Variants in ITGA6 observed in about 807,000 individuals in gnomAD.
ITGA6 encodes integrin alpha-6.
Under a neutral mutation model 133.6 loss-of-function variants are expected in ITGA6, and 63 were observed. The observed-to-expected ratio is 0.47, with a 90% confidence interval of 0.38 to 0.58. The LOEUF is 0.58. Ranked by LOEUF, ITGA6 falls within the 20% of genes least tolerant of loss-of-function variation. The probability of loss-of-function intolerance (pLI) is 0.00; values close to 1 mark genes in which losing one functional copy is unlikely to be tolerated. For synonymous variants in ITGA6, 434 were observed against 482.0 expected (o/e 0.90, Z 1.30); for missense variants, 1,068 against 1,309.4 (o/e 0.82, Z 2.85).
At chr2:172,449,608 A>G (rs928122923) in intron 1 of ITGA6, among the ~76,000 whole-genome samples, 1 of 152,158 alleles carries the variant, frequency 6.6e-6, no homozygotes, top group Non-Finnish European at 1.5e-5. Context: ...GGTGATTTAG[A>G]GAAAGCTGGT....
At chr2:172,443,067 G>T (rs921447632) in intron 1 of ITGA6, among the ~76,000 whole-genome samples, 1 of 152,016 alleles carries the variant, frequency 6.6e-6, no homozygotes, top group African/African-American at 2.4e-5. Context: ...CTTGATCTCT[G>T]GGCATCCTAT....
Position 172,431,675 on chromosome 2 carries a change from G to GC in ITGA6, c.182+3707dup, listed in dbSNP as rs545798756. 1.4e-4 allele frequency among the ~76,000 whole-genome samples: 21 copies of GC among 152,334 alleles called. No homozygotes were observed. The South Asian group carries it at 3.7e-3, about 27-fold the overall frequency. On this transcript the variant is annotated intron_variant, in intron 1 of 25. Coordinates refer to ENST00000684293, the MANE Select transcript of ITGA6 (RefSeq NM_000210.4). ...CACTCGGAGTGCCATGTGGCCCAGGGCCATCTTCCAGGGATTGCTGGGTCA... is the reference window on the plus strand; with the variant it reads ...CACTCGGAGTGCCATGTGGCCCAGGGCCCATCTTCCAGGGATTGCTGGGTCA...
Position 172,504,158 on chromosome 2 carries a change from A to G in ITGA6, c.*90A>G. 6.3e-7 allele frequency: 1 copy of G among 1,596,668 alleles called. No homozygotes were observed. The highest frequency in any genetic ancestry group is 8.5e-7 in the Non-Finnish European group (1 of 1,170,570). On this transcript the variant is annotated 3_prime_UTR_variant, in exon 26 of 26. Coordinates refer to ENST00000684293, the MANE Select transcript of ITGA6 (RefSeq NM_000210.4). ...CGATACCATGCTGTAAGGATCCGGA[A>G]AGAAGAGCGAGAGATCAAAGATGAA...
At chr2:172,467,885 A>C (rs890697389) in intron 3 of ITGA6, among the ~76,000 whole-genome samples, 6 of 152,000 alleles carry the variant, frequency 3.9e-5, no homozygotes, top group Admixed American at 2.6e-4. Context: ...TACTTGGGAG[A>C]CTGAGACAGG....
At chr2:172,447,911 G>A (rs911173473) in intron 1 of ITGA6, among the ~76,000 whole-genome samples, 16 of 152,118 alleles carry the variant, frequency 1.1e-4, no homozygotes, top group African/African-American at 2.2e-4. Flanking sequence ...TTAAAAACAC[G>A]TTCTGCTTTG....
chr2:172,428,362 G>C (rs1288721692), intron 1 of ITGA6: 1 of 153,144 alleles, frequency 6.5e-6, no homozygotes, highest in African/African-American at 2.4e-5. Flanking sequence ...CCGCAGCGCT[G>C]CTGTGGGTTT....
At chr2:172,440,390 A>C (rs950882346) in intron 1 of ITGA6, among the ~76,000 whole-genome samples, 5 of 152,214 alleles carry the variant, frequency 3.3e-5, no homozygotes, top group Admixed American at 6.5e-5. Context: ...TTTGAAAAAA[A>C]ATTGTGGTAA....
chr2:172,431,109 C>T (rs1351006447), intron 1 of ITGA6, among the ~76,000 whole-genome samples: 2 of 152,170 alleles, frequency 1.3e-5, no homozygotes, highest in African/African-American at 4.8e-5. Flanking sequence ...AGAAATGCTC[C>T]AGGCCCGCGG....
chr2:172,498,200 CT>C, intron 24 of ITGA6, 100 bp downstream of exon 24: 1 of 1,221,800 alleles, frequency 8.2e-7, no homozygotes, highest in African/African-American at 1.5e-5. Flanking sequence ...TCATTGCTTC[CT>C]TTTTTCTAAC....
chr2:172,430,476 T>C (rs986125970), intron 1 of ITGA6, among the ~76,000 whole-genome samples: 2 of 152,216 alleles, frequency 1.3e-5, no homozygotes, highest in African/African-American at 4.8e-5. Flanking sequence ...AAAGTGAGTT[T>C]AATGAACAGA....
Position 172,488,132 on chromosome 2 carries a change from T to C in ITGA6, c.2409T>C (p.Ala803=). 4 of 1,613,920 alleles carry C rather than the reference T, an allele frequency of 2.5e-6. No homozygotes were observed. Among genetic ancestry groups the C allele is most frequent in the South Asian group, 1.1e-5 (1 of 91,080 alleles). ...IELLLSVSGV[A]KPSQVYFGGT... ...GTGTTTTTTAATTTGACAGAGTTGC[T>C]AAACCTTCCCAGGTGTATTTTGGAG... is the stretch of plus-strand genomic sequence containing the variant. The change falls in exon 19 of 26, where the codon GCT becomes GCC. Residue 803 remains alanine, a synonymous_variant. Transcript: ENST00000684293.
At chr2:172,444,929 T>C (rs1161541521) in intron 1 of ITGA6, among the ~76,000 whole-genome samples, 3 of 151,858 alleles carry the variant, frequency 2.0e-5, no homozygotes, top group African/African-American at 7.3e-5. Context: ...TTAAACAATG[T>C]AAGCGTTTAG....
chr2:172,499,469 A>G (rs1687263646), intron 24 of ITGA6, among the ~76,000 whole-genome samples: 1 of 152,134 alleles, frequency 6.6e-6, no homozygotes, highest in Admixed American at 6.5e-5. Context: ...GGCTCAAGCA[A>G]TCCTCCCACC....
At chr2:172,449,143 TGTG>T (rs1049977389) in intron 1 of ITGA6, among the ~76,000 whole-genome samples, 1 of 152,012 alleles carries the variant, frequency 6.6e-6, no homozygotes, top group African/African-American at 2.4e-5. Context: ...GGCTCCCAAT[TGTG>T]GTGGGAAGAA....
At position 172,484,950 on chromosome 2, in the gene ITGA6, CT is replaced by C; in HGVS notation, c.1710+9del. Reference sequence around the variant, plus strand: ...GAAACCCTGTGGCTACAGGTGAGGGCTGCAGATGGTCACATCTGTTTTATGA... The same window carrying C: ...GAAACCCTGTGGCTACAGGTGAGGGCGCAGATGGTCACATCTGTTTTATGA... On this transcript the variant is annotated intron_variant, in intron 12 of 25. Transcript: ENST00000684293. The C allele has an allele frequency of 1.9e-6, 3 of 1,613,552 alleles. No individual in the cohort carries two copies. The South Asian group carries it at 3.3e-5, about 18-fold the overall frequency.
rs1480234655 is a variant in ITGA6 at position 172,484,914 on chromosome 2, T to A, written c.1682T>A (p.Val561Glu). The change falls in exon 12 of 26, where the codon GTG becomes GAG. Residue 561 changes from valine to glutamate, a missense_variant. Val to Glu is a moderately radical substitution (Grantham distance 121, BLOSUM62 -2). Transcript: ENST00000684293. ...ACTCTGAAGAGGCAGAAACAGAAAG[T>A]GTGCATGGAGGAAACCCTGTGGCTA... ...ELTLKRQKQKVCMEETLWLQD... is the reference protein window; with the variant it reads ...ELTLKRQKQKECMEETLWLQD... 1 of 1,614,156 alleles carries A rather than the reference T, an allele frequency of 6.2e-7. No homozygotes were observed. The highest frequency in any genetic ancestry group is 1.7e-5 in the Admixed American group (1 of 60,024).
rs1324831779 is a variant in ITGA6 at position 172,505,809 on chromosome 2, A to C, written c.*1741A>C. 1 of 152,642 alleles carries C rather than the reference A, an allele frequency of 6.6e-6. No individual in the cohort carries two copies. The highest frequency in any genetic ancestry group is 1.5e-5 in the Non-Finnish European group (1 of 68,038). The allele number at this position is 152,642 out of a possible 1,614,324, so 9.5% of individuals were successfully genotyped here. ...GTACTTTGGAATTCTTAGTCACAAAATATATTTTGTTTACAAAAATTTCTG... is the reference window on the plus strand; with the variant it reads ...GTACTTTGGAATTCTTAGTCACAAACTATATTTTGTTTACAAAAATTTCTG... On this transcript the variant is annotated 3_prime_UTR_variant, in exon 26 of 26. Coordinates refer to ENST00000684293, the MANE Select transcript of ITGA6 (RefSeq NM_000210.4).
At chr2:172,479,797 T>TG in intron 10 of ITGA6, 58 bp downstream of exon 10, 1 of 1,450,234 alleles carries the variant, frequency 6.9e-7, no homozygotes, top group Non-Finnish European at 9.7e-7. Context: ...CACTTCATGA[T>TG]GACTCTATTG....
intron 1 of ITGA6, among the ~76,000 whole-genome samples, chr2:172,440,173 GC>G (rs1490626541): frequency 6.6e-6 from 1 of 152,174 alleles, no homozygotes; most frequent in Admixed American, 6.5e-5. Context: ...ATAAATGTAT[GC>G]CTGATGGATA....
Sources: allele counts gnomAD v4.1 joint callset (sites outside exome capture counted in the v4.1 genomes callset), GRCh38; gene constraint gnomAD v4.1.1; transcripts MANE v1.5; gene names NCBI Gene and HGNC (gene_info 2026-07-23, HGNC 2026-07-21).